The following ATP2C1 variants were observed in gnomAD, a reference collection of about 807,000 sequenced individuals.
ATP2C1 encodes the protein calcium-transporting ATPase type 2C member 1.
Under a neutral mutation model 120.5 loss-of-function variants are expected in ATP2C1, and 31 were observed. The ratio of observed to expected loss-of-function variants is 0.26; its 90% confidence interval spans 0.19 to 0.35. The LOEUF (loss-of-function observed/expected upper bound fraction) is 0.35, where lower values mean the gene tolerates loss of function less well. ATP2C1 is among the 10% of genes least tolerant of loss of function. ATP2C1 has a pLI of 1.00. For synonymous variants in ATP2C1, 351 were observed against 358.7 expected (o/e 0.98, Z 0.24); for missense variants, 731 against 1,107.5 (o/e 0.66, Z 4.83).
At chr3:130,924,980 A>G (rs1355248874) in intron 2 of ATP2C1, among the ~76,000 whole-genome samples, 1 of 151,932 alleles carries the variant, frequency 6.6e-6, no homozygotes, top group Non-Finnish European at 1.5e-5. Context: ...TATATCCTGT[A>G]TCATGTTTTT....
intron 2 of ATP2C1, among the ~76,000 whole-genome samples, chr3:130,914,119 A>T (rs948482814): frequency 2.0e-5 from 3 of 152,096 alleles, no homozygotes; most frequent in Admixed American, 1.3e-4. Flanking sequence ...TACTGTGATA[A>T]CATATAAATG....
At chr3:130,874,413 C>G (rs1409853081) in intron 1 of ATP2C1, among the ~76,000 whole-genome samples, 2 of 152,112 alleles carry the variant, frequency 1.3e-5, no homozygotes, top group Non-Finnish European at 2.9e-5. Context: ...ATTAACATCG[C>G]CTTTAACATT....
At chr3:130,869,686 C>T (rs2068366107) in intron 1 of ATP2C1, among the ~76,000 whole-genome samples, 1 of 152,212 alleles carries the variant, frequency 6.6e-6, no homozygotes, top group Admixed American at 6.5e-5. Flanking sequence ...CATACCATTC[C>T]TTTAGGCCAA....
At chr3:130,947,761 G>A (rs535875083) in intron 8 of ATP2C1, among the ~76,000 whole-genome samples, 1 of 151,872 alleles carries the variant, frequency 6.6e-6, no homozygotes, top group South Asian at 2.1e-4. Flanking sequence ...TCTCCTTTGT[G>A]CCCTTCTTTG....
At chr3:130,872,663 C>A (rs1377426088) in intron 1 of ATP2C1, among the ~76,000 whole-genome samples, 1 of 151,914 alleles carries the variant, frequency 6.6e-6, no homozygotes, top group Non-Finnish European at 1.5e-5. Flanking sequence ...CGGCTCACTG[C>A]AACCTCCGCC....
At chr3:130,902,283 CGTTTTTTTTTTTTGTTT>C (rs1434968203) in intron 2 of ATP2C1, among the ~76,000 whole-genome samples, 42 of 80,944 alleles carry the variant, frequency 5.2e-4, no homozygotes, top group Admixed American at 1.8e-3. Flanking sequence ...CAAGGCTTCA[CGTTTTTTTTTTTTGTTT>C]TTTTTTTTTT....
At chr3:130,892,395 CTA>C (rs1436058118), upstream of ATP2C1, among the ~76,000 whole-genome samples, 2 of 152,232 alleles carry the variant, frequency 1.3e-5, no homozygotes, top group African/African-American at 2.4e-5. Context: ...AAATCACAGG[CTA>C]TGTCATTGTG....
chr3:130,975,622 G>A (rs2061503617), intron 18 of ATP2C1, 134 bp downstream of exon 18: 1 of 1,087,044 alleles, frequency 9.2e-7, no homozygotes, highest in East Asian at 2.6e-5. Context: ...GTATTGAGGT[G>A]TTAAGTTTTA....
chr3:130,913,049 A>G (rs1441211137), intron 2 of ATP2C1, among the ~76,000 whole-genome samples: 2 of 137,304 alleles, frequency 1.5e-5, no homozygotes, highest in Non-Finnish European at 3.1e-5. Flanking sequence ...TGGGAATTGA[A>G]CAATGAGACC....
In ATP2C1 at chr3:130,956,172, T is replaced by C. The variant is rs775265260; in HGVS notation, c.825T>C (p.Gly275=). 6.3e-7 allele frequency: 1 copy of C among 1,590,942 alleles called. No individual in the cohort carries two copies. The highest frequency in any genetic ancestry group is 8.6e-7 in the Non-Finnish European group (1 of 1,159,480). ...LGKQLSFYSF[G]IIGIIMLVGW... ...AACAACTTTCCTTTTACTCCTTTGGTATAATAGGTAAGAGAAGAGTGAGTA... is the reference window on the plus strand; with the variant it reads ...AACAACTTTCCTTTTACTCCTTTGGCATAATAGGTAAGAGAAGAGTGAGTA... Residue 275 remains glycine, a synonymous_variant, in exon 11 of 28, where the codon GGT becomes GGC. Coordinates refer to ENST00000510168, the MANE Select transcript of ATP2C1 (RefSeq NM_001378687.1).
intron 1 of ATP2C1, among the ~76,000 whole-genome samples, chr3:130,867,294 T>TTTTCCC (rs1263482622): frequency 0.022 from 3,099 of 140,856 alleles, 135 homozygotes; most frequent in African/African-American, 0.077. Context: ...ATAGAAATGA[T>TTTTCCC]TGTCCCTCTC....
chr3:130,955,380 T>C (rs1054004634), intron 10 of ATP2C1, among the ~76,000 whole-genome samples: 1 of 152,204 alleles, frequency 6.6e-6, no homozygotes, highest in Non-Finnish European at 1.5e-5. Flanking sequence ...ATTTTAAGGA[T>C]TAGTAATTAG....
chr3:130,897,710 C>G (rs985030037), intron 2 of ATP2C1, among the ~76,000 whole-genome samples: 1 of 152,154 alleles, frequency 6.6e-6, no homozygotes, highest in African/African-American at 2.4e-5. Flanking sequence ...TTAGATTCTT[C>G]TGGACTTTTT....
chr3:130,937,527 G>A, intron 6 of ATP2C1, 64 bp downstream of exon 6: 5 of 1,384,118 alleles, frequency 3.6e-6, no homozygotes, highest in Middle Eastern at 1.8e-4. Flanking sequence ...AAGGTGTCTT[G>A]TGGTAGAACC....
At chr3:130,995,576 AATT>A in intron 22 of ATP2C1, among the ~76,000 whole-genome samples, 1 of 152,242 alleles carries the variant, frequency 6.6e-6, no homozygotes, top group East Asian at 1.9e-4. Context: ...GCTTGACTTT[AATT>A]CTTTGCTAAA....
intron 1 of ATP2C1, among the ~76,000 whole-genome samples, chr3:130,865,026 G>A (rs934645835): frequency 6.6e-6 from 1 of 152,072 alleles, no homozygotes; most frequent in African/African-American, 2.4e-5. Context: ...CGTGCTCCTA[G>A]AAAAGCCGCA....
chr3:131,004,361 A>C (rs1404974449), downstream of ATP2C1, among the ~76,000 whole-genome samples: 1 of 152,216 alleles, frequency 6.6e-6, no homozygotes, highest in African/African-American at 2.4e-5. Context: ...AGTTTCCTTG[A>C]GCTCAGTTAC....
At chr3:130,922,398 T>G (rs1027503735) in intron 2 of ATP2C1, among the ~76,000 whole-genome samples, 13 of 152,286 alleles carry the variant, frequency 8.5e-5, no homozygotes, top group Middle Eastern at 3.4e-3. Context: ...TGTTTATTTT[T>G]TTTTAAAGAA....
chr3:131,003,157 C>G (rs1238188763), downstream of ATP2C1: 5 of 981,432 alleles, frequency 5.1e-6, no homozygotes, highest in Non-Finnish European at 6.1e-6. Flanking sequence ...TTAATGACAT[C>G]CCAGTGGGGA....
Sources: allele counts gnomAD v4.1 joint callset (sites outside exome capture counted in the v4.1 genomes callset), GRCh38; gene constraint gnomAD v4.1.1; transcripts MANE v1.5; gene names NCBI Gene and HGNC (gene_info 2026-07-23, HGNC 2026-07-21).